Variants in HEMK2 observed in about 807,000 individuals in gnomAD.
HEMK2 encodes the protein methyltransferase HEMK2.
At chr21:28,812,528 G>T in the HEMK2 span, among the ~76,000 whole-genome samples, 3 of 152,328 alleles carry the variant, frequency 2.0e-5, no homozygotes, top group East Asian at 5.8e-4. Flanking sequence ...TGTGCTGCTA[G>T]ATTCGGTTTG....
the HEMK2 span, among the ~76,000 whole-genome samples, chr21:28,625,417 T>C: frequency 6.6e-6 from 1 of 152,154 alleles, no homozygotes; most frequent in Non-Finnish European, 1.5e-5. Flanking sequence ...ATTTTGCTTA[T>C]GAGAAAACTA....
chr21:28,818,642 T>A, the HEMK2 span, among the ~76,000 whole-genome samples: 1 of 152,168 alleles, frequency 6.6e-6, no homozygotes. Flanking sequence ...CTTAGAAAGC[T>A]GCAGGGAGGA....
At chr21:28,618,082 C>A in the HEMK2 span, among the ~76,000 whole-genome samples, 2 of 152,116 alleles carry the variant, frequency 1.3e-5, no homozygotes, top group African/African-American at 4.8e-5. Context: ...GCCACCACGC[C>A]CAGCCTTGGC....
At chr21:28,855,711 T>A in the HEMK2 span, among the ~76,000 whole-genome samples, 5 of 151,994 alleles carry the variant, frequency 3.3e-5, no homozygotes, top group Non-Finnish European at 7.4e-5. Flanking sequence ...ACTAAGAAAA[T>A]CATATAAAAC....
At chr21:28,708,369 C>A in the HEMK2 span, among the ~76,000 whole-genome samples, 13 of 152,256 alleles carry the variant, frequency 8.5e-5, no homozygotes, top group South Asian at 2.5e-3. Flanking sequence ...TTCTTCCACT[C>A]ATTATGTTAT....
the HEMK2 span, among the ~76,000 whole-genome samples, chr21:28,807,884 T>C: frequency 9.2e-5 from 14 of 152,096 alleles, no homozygotes; most frequent in Non-Finnish European, 1.9e-4. Context: ...TCCCCTCCAT[T>C]TTCCCACTCA....
At chr21:28,594,990 A>C in the HEMK2 span, among the ~76,000 whole-genome samples, 4 of 152,244 alleles carry the variant, frequency 2.6e-5, no homozygotes, top group Non-Finnish European at 5.9e-5. Flanking sequence ...ATTATATTAT[A>C]CACAATATAT....
the HEMK2 span, among the ~76,000 whole-genome samples, chr21:28,599,709 G>A: frequency 6.6e-6 from 1 of 152,194 alleles, no homozygotes; most frequent in South Asian, 2.1e-4. Context: ...CCCAAAGTCT[G>A]ATGTGAGACA....
At chr21:28,652,940 C>A in the HEMK2 span, among the ~76,000 whole-genome samples, 1 of 152,078 alleles carries the variant, frequency 6.6e-6, no homozygotes, top group Non-Finnish European at 1.5e-5. Flanking sequence ...AGTTACTGAC[C>A]CTTTCTGTGG....
chr21:28,740,318 T>C, the HEMK2 span, among the ~76,000 whole-genome samples: 6 of 152,194 alleles, frequency 3.9e-5, no homozygotes, highest in African/African-American at 1.4e-4. Context: ...CCAAAACACA[T>C]GAACATAGAC....
the HEMK2 span, among the ~76,000 whole-genome samples, chr21:28,786,878 A>G: frequency 6.6e-6 from 1 of 152,172 alleles, no homozygotes; most frequent in Non-Finnish European, 1.5e-5. Context: ...ATTCAATGCA[A>G]TCTCCATCAA....
the HEMK2 span, among the ~76,000 whole-genome samples, chr21:28,746,725 T>A: frequency 6.7e-6 from 1 of 149,122 alleles, no homozygotes. Flanking sequence ...CAGAAAGATA[T>A]GAAGAGCTAG....
At chr21:28,781,214 G>T in the HEMK2 span, among the ~76,000 whole-genome samples, 1 of 152,064 alleles carries the variant, frequency 6.6e-6, no homozygotes, top group East Asian at 1.9e-4. Flanking sequence ...TTTATTATTT[G>T]ACTTCTTCCT....
chr21:28,668,843 T>G, the HEMK2 span, among the ~76,000 whole-genome samples: 1 of 152,308 alleles, frequency 6.6e-6, no homozygotes, highest in East Asian at 1.9e-4. Context: ...CTTCCCACAG[T>G]GATTCTAATG....
chr21:28,877,335 A>G, the HEMK2 span, among the ~76,000 whole-genome samples: 4 of 149,002 alleles, frequency 2.7e-5, no homozygotes, highest in African/African-American at 9.9e-5. Flanking sequence ...AAAAAGAAAG[A>G]AGGAAGGAAG....
chr21:28,653,529 T>A, the HEMK2 span, among the ~76,000 whole-genome samples: 1 of 152,082 alleles, frequency 6.6e-6, no homozygotes, highest in Non-Finnish European at 1.5e-5. Flanking sequence ...CATTCCGATC[T>A]TTTTTTAAAA....
At chr21:28,684,544 T>C in the HEMK2 span, among the ~76,000 whole-genome samples, 30 of 152,252 alleles carry the variant, frequency 2.0e-4, no homozygotes, top group Admixed American at 2.0e-3. Context: ...CCTGACATGA[T>C]GCAACCATCC....
the HEMK2 span, among the ~76,000 whole-genome samples, chr21:28,804,343 T>C: frequency 6.6e-6 from 1 of 152,212 alleles, no homozygotes; most frequent in African/African-American, 2.4e-5. Flanking sequence ...AAACAAGACT[T>C]GAACATTTTG....
At chr21:28,725,626 C>G in the HEMK2 span, among the ~76,000 whole-genome samples, 1 of 152,222 alleles carries the variant, frequency 6.6e-6, no homozygotes, top group Non-Finnish European at 1.5e-5. Context: ...TCTGCAAGTT[C>G]TATCATGTCC....
Sources: gnomAD v4.1 joint callset for allele counts (sites outside exome capture counted in the v4.1 genomes callset) on GRCh38, gnomAD v4.1.1 for gene constraint, MANE v1.5 for transcripts, NCBI Gene and HGNC (gene_info 2026-07-23, HGNC 2026-07-21) for gene names.